WDR91: variants seen among roughly 807,000 people sequenced by gnomAD.
WDR91 encodes WD repeat domain 91.
A neutral mutation model predicts 88.4 loss-of-function variants in WDR91; 52 were observed. The ratio of observed to expected loss-of-function variants is 0.59; its 90% CI spans 0.47 to 0.74. The LOEUF (loss-of-function observed/expected upper bound fraction) is 0.74. Among genes scored for constraint, WDR91 ranks in the 30% least tolerant of loss-of-function variants. The pLI, the probability that WDR91 is intolerant of heterozygous loss-of-function variation, is 0.00. For synonymous variants in WDR91, 362 were observed against 389.5 expected (o/e 0.93, Z 0.83); for missense variants, 824 against 954.5 (o/e 0.86, Z 1.80).
intron 5 of WDR91, among the ~76,000 whole-genome samples, chr7:135,204,697 C>G (rs944162362): frequency 5.9e-5 from 9 of 152,166 alleles, no homozygotes; most frequent in African/African-American, 2.2e-4. Context: ...AGCCACTGGT[C>G]ACGTGTGCTA....
rs1230730136 is a variant in WDR91 at position 135,205,970 on chromosome 7, G to A, written c.683C>T (p.Pro228Leu). 5 of 1,614,128 alleles carry A rather than the reference G, an allele frequency of 3.1e-6. No homozygotes were observed. Among genetic ancestry groups the A allele is most frequent in the Non-Finnish European group, 3.4e-6 (4 of 1,180,040 alleles). The change falls in exon 5 of 15, where the codon CCT (proline) becomes CTT (leucine). Residue 228 changes from proline to leucine, a missense_variant. By Grantham distance (98) the Pro-to-Leu change is moderately conservative. Coordinates refer to ENST00000354475, the MANE Select transcript of WDR91 (RefSeq NM_014149.4). ...EEEALVQHKL[P>L]PYVSNMDRLG... ...GCGGTCCATGTTGGAGACATAAGGA[G>A]GCAATTTGTGTTGGACCAAGGCCTC...
intron 6 of WDR91, 182 bp from the exon 7 acceptor site, chr7:135,198,333 T>C (rs1831451474): frequency 1.6e-6 from 1 of 621,530 alleles, no homozygotes; most frequent in Non-Finnish European, 2.7e-6. Context: ...TCCTCCTTTC[T>C]GTCCTCTACC....
In WDR91 at chr7:135,194,974, G is replaced by A. The variant is rs367680418; in HGVS notation, c.1355C>T (p.Pro452Leu). ...GGTGGCCCATTCCAAAGACAGCAGC[G>A]GTGATTTGGAAATGGAGGATGCTTT... ...QTKASSISKS[P>L]LLSLEWATKR... Residue 452 changes from proline to leucine, a missense_variant, in exon 9 of 15, where the codon CCG becomes CTG. Coordinates refer to ENST00000354475, the MANE Select transcript of WDR91 (RefSeq NM_014149.4). 53 of 1,614,032 alleles carry A rather than the reference G, an allele frequency of 3.3e-5. No individual in the cohort carries two copies. Among genetic ancestry groups the A allele is most frequent in the African/African-American group, 4.0e-5 (3 of 74,926 alleles).
At position 135,204,189 on chromosome 7, in the gene WDR91, C is replaced by T. The variant is rs531482741; in HGVS notation, c.891+79G>A. On this transcript the variant is annotated intron_variant, in intron 6 of 14. Transcript: ENST00000354475. ...TAAAAGGAGGGCAAACAAGTCTACA[C>T]TTGACCAGGAGGTCTGGAAGCACAG... The T allele has an allele frequency of 1.9e-5, 30 of 1,548,854 alleles. No individual in the cohort carries two copies. The South Asian group carries it at 3.2e-4, about 17-fold the overall frequency.
intron 6 of WDR91, among the ~76,000 whole-genome samples, 187 bp downstream of exon 6, chr7:135,204,079 TTC>T (rs1248507254): frequency 1.3e-5 from 2 of 152,208 alleles, no homozygotes; most frequent in Non-Finnish European, 2.9e-5. Context: ...AACCATCACT[TTC>T]TGAGAGGAAA....
At chr7:135,203,933 A>T (rs1831665067) in intron 6 of WDR91, among the ~76,000 whole-genome samples, 1 of 152,234 alleles carries the variant, frequency 6.6e-6, no homozygotes, top group Non-Finnish European at 1.5e-5. Flanking sequence ...AGATCTACCC[A>T]GCAATCAAAC....
rs887120532 is a variant in WDR91 at position 135,196,214 on chromosome 7, G to T, written c.1174C>A (p.Pro392Thr). The change falls in exon 8 of 15, where the codon CCC (proline) becomes ACC (threonine). Residue 392 changes from proline to threonine, a missense_variant. By Grantham distance (38) the Pro-to-Thr change is conservative (BLOSUM62 -1). Transcript: ENST00000354475. The surrounding 1 kb of genome is among the most constrained non-coding windows in gnomAD (Gnocchi z 4.2). The stretch of plus-strand genomic sequence containing the variant: ...CCCAGCACAATAAAGGGCTGCTCGG[G>T]GCGGACTCCTCCACCCTCAGGGCCT... Reference protein sequence around the residue: ...SAGPEGGGVRPEQPFIVLGQE... With the variant: ...SAGPEGGGVRTEQPFIVLGQE... The T allele has an allele frequency of 3.7e-6, 6 of 1,611,550 alleles. No individual in the cohort carries two copies. Among genetic ancestry groups the T allele is most frequent in the Non-Finnish European group, 3.4e-6 (4 of 1,178,768 alleles).
At chr7:135,211,092 T>A (rs1831999404) in intron 1 of WDR91, among the ~76,000 whole-genome samples, 1 of 152,292 alleles carries the variant, frequency 6.6e-6, no homozygotes, top group African/African-American at 2.4e-5. Flanking sequence ...CTCATCGCCA[T>A]CCTGGCCAAG....
chr7:135,207,203 G>A lies in WDR91; in HGVS notation c.512-1C>T, dbSNP rs140727697. On this transcript the variant is annotated splice_acceptor_variant, in intron 3 of 14. Coordinates refer to ENST00000354475, the MANE Select transcript of WDR91 (RefSeq NM_014149.4). LOFTEE classifies it high-confidence loss of function. ...TCAAAGTTCAGGATCACAGGGACTG[G>A]TGCACGAAGTTAAAGAATAAGCCAG... is the stretch of plus-strand genomic sequence containing the variant. 3 of 1,603,690 alleles carry A rather than the reference G, an allele frequency of 1.9e-6. No individual in the cohort carries two copies. The highest frequency in any genetic ancestry group is 1.7e-6 in the Non-Finnish European group (2 of 1,172,684).
chr7:135,192,236 G>A (rs1374389949), intron 11 of WDR91, among the ~76,000 whole-genome samples: 1 of 150,216 alleles, frequency 6.7e-6, no homozygotes, highest in African/African-American at 2.5e-5. Flanking sequence ...TCTTGCCTCA[G>A]CCTCCCAAGT....
Position 135,196,346 on chromosome 7 carries a change from A to C in WDR91, c.1051-9T>G. ...GGTTTCTTCTCTGCACACTGTCACAAGCAGGGTGGGGACAAGTCAGCCAGG... is the reference window on the plus strand; with the variant it reads ...GGTTTCTTCTCTGCACACTGTCACACGCAGGGTGGGGACAAGTCAGCCAGG... On this transcript the variant is annotated splice_polypyrimidine_tract_variant and intron_variant, in intron 7 of 14. Coordinates refer to ENST00000354475, the MANE Select transcript of WDR91 (RefSeq NM_014149.4). The surrounding 1 kb of genome is among the most constrained non-coding windows in gnomAD (Gnocchi z 4.2). 6.6e-7 allele frequency: 1 copy of C among 1,525,846 alleles called. No homozygotes were observed. The highest frequency in any genetic ancestry group is 8.8e-7 in the Non-Finnish European group (1 of 1,134,776). 94.5% of individuals were successfully genotyped at this position (1,525,846 alleles called of 1,614,324 possible). A position where few individuals can be genotyped will look rare whatever the true frequency, so the allele number is the denominator to read the frequency against.
chr7:135,198,987 C>T (rs1188200233), intron 6 of WDR91: 1 of 152,158 alleles, frequency 6.6e-6, no homozygotes, highest in Non-Finnish European at 1.5e-5. Context: ...CACCCTCACC[C>T]TCATTTTTTA....
chr7:135,188,041 G>A (rs1331662223), intron 13 of WDR91, among the ~76,000 whole-genome samples: 2 of 152,004 alleles, frequency 1.3e-5, no homozygotes, highest in Non-Finnish European at 2.9e-5. Flanking sequence ...CTGGCTTCTT[G>A]TTTACATCTC....
In WDR91 at chr7:135,185,921, C is replaced by A. The variant is rs915861282; in HGVS notation, c.*230G>T. 23 of 508,098 alleles carry A rather than the reference C, an allele frequency of 4.5e-5. No homozygotes were observed. The highest frequency in any genetic ancestry group is 7.1e-5 in the Non-Finnish European group (21 of 294,348). 31.5% of individuals were successfully genotyped at this position (508,098 alleles called of 1,614,324 possible). Reference sequence around the variant, plus strand: ...CTTTCCTCCCATAGTCTCACATGTACTCCTGGCACAGCCACAATACCAGTC... The same window carrying A: ...CTTTCCTCCCATAGTCTCACATGTAATCCTGGCACAGCCACAATACCAGTC... On this transcript the variant is annotated 3_prime_UTR_variant, in exon 15 of 15. Transcript: ENST00000354475.
In WDR91 at chr7:135,183,878, C is replaced by T. The variant is rs983171275; in HGVS notation, c.*2273G>A. On this transcript the variant is annotated 3_prime_UTR_variant, in exon 15 of 15. Coordinates refer to ENST00000354475, the MANE Select transcript of WDR91 (RefSeq NM_014149.4). ...CTTTATTTGAGGACGAGCGCTCACC[C>T]GGGATGGAGTAAGAAGTGGGATGGG... is the stretch of plus-strand genomic sequence containing the variant. 2 of 152,060 alleles carry T rather than the reference C, an allele frequency of 1.3e-5. No individual in the cohort carries two copies. The highest frequency in any genetic ancestry group is 2.4e-5 in the African/African-American group (1 of 41,382). The allele number at this position is 152,060 out of a possible 1,614,324, so 9.4% of individuals were successfully genotyped here.
chr7:135,203,599 CAAA>C (rs1562955272), intron 6 of WDR91, among the ~76,000 whole-genome samples: 2 of 152,164 alleles, frequency 1.3e-5, no homozygotes, highest in African/African-American at 4.8e-5. Flanking sequence ...AACTTGTAGG[CAAA>C]ATGCATGGAT....
intron 6 of WDR91, among the ~76,000 whole-genome samples, 175 bp downstream of exon 6, chr7:135,204,093 C>G (rs292591): frequency 0.95 from 145,350 of 152,326 alleles, 69,682 homozygotes; most frequent in East Asian, 1. Flanking sequence ...GAGAGGAAAG[C>G]CAGGAAAGGG....
chr7:135,209,151 T>C (rs1831922963), intron 2 of WDR91, among the ~76,000 whole-genome samples, 153 bp from the exon 3 acceptor site: 1 of 152,118 alleles, frequency 6.6e-6, no homozygotes, highest in Non-Finnish European at 1.5e-5. Flanking sequence ...TCATCACTCT[T>C]TTCTCAAGGA....
At position 135,183,981 on chromosome 7, in the gene WDR91, G is replaced by A. The variant is rs971842567; in HGVS notation, c.*2170C>T. 1 of 152,112 alleles carries A rather than the reference G, an allele frequency of 6.6e-6. No individual in the cohort carries two copies. Among genetic ancestry groups the A allele is most frequent in the African/African-American group, 2.4e-5 (1 of 41,418 alleles). 9.4% of individuals were successfully genotyped at this position (152,112 alleles called of 1,614,324 possible). A position where few individuals can be genotyped will look rare whatever the true frequency, so the allele number is the denominator to read the frequency against. ...CAGCAAGCTGTAGAGATGGTATTAA[G>A]GGGAGAGAAAACTTTGAGATGACAA... On this transcript the variant is annotated 3_prime_UTR_variant, in exon 15 of 15. Coordinates refer to ENST00000354475, the MANE Select transcript of WDR91 (RefSeq NM_014149.4).
Sources: gnomAD v4.1 joint callset for allele counts (sites outside exome capture counted in the v4.1 genomes callset) on GRCh38, gnomAD v4.1.1 for gene constraint, Gnocchi (gnomAD v3.1) non-coding constraint, MANE v1.5 for transcripts, NCBI Gene and HGNC (gene_info 2026-07-23, HGNC 2026-07-21) for gene names.